MYO9A: variants seen among roughly 807,000 people sequenced by gnomAD.
The protein encoded by MYO9A is myosin IXA, also known as unconventional myosin-IXa.
MYO9A carries 103 observed loss-of-function variants against 293.3 expected under a neutral mutation model. The observed-to-expected ratio is 0.35, with a 90% CI of 0.30 to 0.41. MYO9A has a LOEUF of 0.41. MYO9A is among the 10% of genes least tolerant of loss of function. The probability of loss-of-function intolerance (pLI) is 1.00; values close to 1 mark genes in which losing one functional copy is unlikely to be tolerated. For synonymous variants in MYO9A, 1,001 were observed against 1,035.7 expected (o/e 0.97, Z 0.64); for missense variants, 2,685 against 3,033.0 (o/e 0.89, Z 2.69).
At chr15:72,055,017 T>C (rs2149856598) in intron 1 of MYO9A, among the ~76,000 whole-genome samples, 1 of 151,368 alleles carries the variant, frequency 6.6e-6, no homozygotes. Context: ...AGAAAGAATA[T>C]AAAAGCCCAA....
intron 13 of MYO9A, among the ~76,000 whole-genome samples, chr15:71,965,293 T>A (rs1415884917): frequency 6.6e-6 from 1 of 152,084 alleles, no homozygotes; most frequent in East Asian, 1.9e-4. Context: ...CTTGTTCTGT[T>A]AGTTACTAAC....
intron 39 of MYO9A, among the ~76,000 whole-genome samples, chr15:71,843,648 C>A: frequency 6.6e-6 from 1 of 152,214 alleles, no homozygotes; most frequent in African/African-American, 2.4e-5. Context: ...ACCACTACAT[C>A]TGACTAATTT....
intron 6 of MYO9A, among the ~76,000 whole-genome samples, chr15:72,012,872 G>C (rs143940921): frequency 0.016 from 2,455 of 152,290 alleles, 24 homozygotes; most frequent in Non-Finnish European, 0.023. Flanking sequence ...TACACTGAAA[G>C]AGGCACTAAA....
intron 30 of MYO9A, among the ~76,000 whole-genome samples, chr15:71,878,668 C>T (rs1208493352): frequency 6.6e-6 from 1 of 150,814 alleles, no homozygotes; most frequent in Non-Finnish European, 1.5e-5. Context: ...AGAAGAGTGA[C>T]ATGCCCAGAA....
chr15:72,118,032 CAACA>C lies in MYO9A; in HGVS notation c.-428_-425del, dbSNP rs993216699. On this transcript the variant is annotated 5_prime_UTR_variant, in exon 1 of 42. Transcript: ENST00000356056. Reference sequence around the variant, plus strand: ...CAGTCCGGGCTGTCCTGTACTCTCTCAACAGACACAGCCAACCGCCGCCGCGTCC... The same window carrying C: ...CAGTCCGGGCTGTCCTGTACTCTCTCGACACAGCCAACCGCCGCCGCGTCC... 48 of 396,778 alleles carry C rather than the reference CAACA, an allele frequency of 1.2e-4. No individual in the cohort carries two copies. The highest frequency in any genetic ancestry group is 1.7e-4 in the Non-Finnish European group (39 of 224,878). The allele number at this position is 396,778 out of a possible 1,614,324, so 24.6% of individuals were successfully genotyped here.
At chr15:71,956,331 A>AAAAATATG (rs34739521) in intron 14 of MYO9A, among the ~76,000 whole-genome samples, 1 of 9,822 alleles carries the variant, frequency 1.0e-4, no homozygotes, top group African/African-American at 1.7e-4. Flanking sequence ...AAAAAAAAAA[A>AAAAATATG]TATATATATA....
chr15:71,885,813 T>C (rs1412298581), intron 27 of MYO9A, among the ~76,000 whole-genome samples: 1 of 152,152 alleles, frequency 6.6e-6, no homozygotes, highest in African/African-American at 2.4e-5. Flanking sequence ...GTTCCTACCA[T>C]TGGGTCATTG....
intron 9 of MYO9A, among the ~76,000 whole-genome samples, chr15:71,999,369 G>T (rs1309707820): frequency 6.6e-6 from 1 of 151,816 alleles, no homozygotes; most frequent in Non-Finnish European, 1.5e-5. Flanking sequence ...TAACCTCAAT[G>T]AAGAATATAG....
chr15:71,992,723 C>A (rs960937302), intron 10 of MYO9A, among the ~76,000 whole-genome samples: 1 of 151,874 alleles, frequency 6.6e-6, no homozygotes, highest in East Asian at 1.9e-4. Flanking sequence ...CCAGAAAACA[C>A]AACTAGATGT....
intron 14 of MYO9A, among the ~76,000 whole-genome samples, chr15:71,956,270 A>G (rs568011751): frequency 6.9e-6 from 1 of 145,546 alleles, no homozygotes; most frequent in East Asian, 2.0e-4. Context: ...TGATAGCACC[A>G]CTGCATTCCA....
rs1225453173 is a variant in MYO9A, at chr15:72,006,830, C to T, written c.1380+996G>A. The stretch of plus-strand genomic sequence containing the variant: ...TAATTTTGGAAATGAGTGAAGTCTG[C>T]AGGATTAAAGGCAGAAGGAATTGCT... On this transcript the variant is annotated intron_variant, in intron 8 of 41. Transcript: ENST00000356056. 4.6e-5 allele frequency among the ~76,000 whole-genome samples: 7 copies of T among 152,122 alleles called. No individual in the cohort carries two copies. The South Asian group carries it at 1.0e-3, about 23-fold the overall frequency.
At position 71,916,595 on chromosome 15, in the gene MYO9A, A is replaced by G. The variant is rs989004753; in HGVS notation, c.2563-103T>C. 5 of 1,105,576 alleles carry G rather than the reference A, an allele frequency of 4.5e-6. No individual in the cohort carries two copies. In the African/African-American group the frequency reaches 4.7e-5, roughly 10 times the overall value. 68.5% of individuals were successfully genotyped at this position (1,105,576 alleles called of 1,614,324 possible). A position where few individuals can be genotyped will look rare whatever the true frequency, so the allele number is the denominator to read the frequency against. The stretch of plus-strand genomic sequence containing the variant: ...TTTCCTATCTATATGACCATTTCCC[A>G]TCTTAAATGACTGTAGTGAATATGA... On this transcript the variant is annotated intron_variant, in intron 18 of 41. Transcript: ENST00000356056.
At chr15:71,842,261 C>T (rs938228695) in intron 39 of MYO9A, among the ~76,000 whole-genome samples, 7 of 150,466 alleles carry the variant, frequency 4.7e-5, no homozygotes. Flanking sequence ...CCTGTAGTCC[C>T]AGCTACTCGG....
intron 39 of MYO9A, among the ~76,000 whole-genome samples, chr15:71,831,395 G>A (rs1425747638): frequency 6.6e-6 from 1 of 152,198 alleles, no homozygotes; most frequent in Non-Finnish European, 1.5e-5. Context: ...TTATTCTCTA[G>A]TCCTTTACAG....
In MYO9A at chr15:72,024,886, C is replaced by T. The variant is rs2077615260; in HGVS notation, c.998+2845G>A. ...TACACTAGAAAACATTTATTTAATG[C>T]AAAAGAAGGCAGGAATAGAAGAACA... On this transcript the variant is annotated intron_variant, in intron 4 of 41. Transcript: ENST00000356056. Among the ~76,000 whole-genome samples the T allele has an allele frequency of 2.0e-5, 3 of 151,288 alleles. No individual in the cohort carries two copies. In the South Asian group the frequency reaches 6.3e-4, roughly 32 times the overall value.
At chr15:72,030,768 C>T (rs1412652099) in intron 3 of MYO9A, among the ~76,000 whole-genome samples, 3 of 152,134 alleles carry the variant, frequency 2.0e-5, no homozygotes, top group African/African-American at 7.2e-5. Context: ...AAATGATTTG[C>T]GTACCTCAGC....
chr15:71,967,916 C>A (rs1193339495), intron 13 of MYO9A, 68 bp downstream of exon 13: 6 of 1,390,714 alleles, frequency 4.3e-6, no homozygotes, highest in Non-Finnish European at 5.7e-6. Flanking sequence ...ACAAAGAGGG[C>A]AGTGTGCTGG....
intron 1 of MYO9A, among the ~76,000 whole-genome samples, chr15:72,070,378 G>A (rs1308453712): frequency 6.6e-6 from 1 of 151,636 alleles, no homozygotes; most frequent in Non-Finnish European, 1.5e-5. Context: ...CACTTGAACC[G>A]GAAGGCAGAG....
chr15:72,078,572 A>T (rs796712768), intron 1 of MYO9A, among the ~76,000 whole-genome samples: 4 of 146,926 alleles, frequency 2.7e-5, no homozygotes, highest in African/African-American at 1.0e-4. Flanking sequence ...CTCACTATTC[A>T]AGAGGCTGAG....
Sources: allele counts gnomAD v4.1 joint callset (sites outside exome capture counted in the v4.1 genomes callset), GRCh38; gene constraint gnomAD v4.1.1; transcripts MANE v1.5; gene names NCBI Gene and HGNC (gene_info 2026-07-23, HGNC 2026-07-21).